Variants in AHCYL2 observed in about 807,000 individuals in gnomAD.
AHCYL2 encodes the protein adenosylhomocysteinase like 2, also known as S-adenosylhomocysteine hydrolase-like protein 2.
AHCYL2 carries 28 observed loss-of-function variants against 81.4 expected under a neutral mutation model. The observed-to-expected ratio is 0.34, with a 90% CI of 0.25 to 0.47. AHCYL2 has a LOEUF of 0.47. AHCYL2 is among the 20% of genes least tolerant of loss of function. The probability of loss-of-function intolerance (pLI) is 1.00; values close to 1 mark genes in which losing one functional copy is unlikely to be tolerated. For synonymous variants in AHCYL2, 272 were observed against 290.2 expected, an observed-to-expected ratio of 0.94 and a Z score of 0.64; for missense variants, 551 against 785.1, an observed-to-expected ratio of 0.70 and a Z score of 3.56.
chr7:129,407,407 G>T (rs928253659), intron 10 of AHCYL2, among the ~76,000 whole-genome samples: 2 of 151,970 alleles, frequency 1.3e-5, no homozygotes, highest in African/African-American at 4.8e-5. Context: ...ATTATATAAG[G>T]TACAGAGCTG....
Position 129,225,264 on chromosome 7 carries a change from C to A in AHCYL2, c.188C>A (p.Pro63His). The stretch of plus-strand genomic sequence containing the variant: ...CCCGCCGCGGAGCGGCCCCCGGTCC[C>A]CGGCCCGGGCTCGGGGCCCGCCGCC... ...PAPAAERPPV[P>H]GPGSGPAAAL... The change falls in exon 1 of 17, where the codon CCC (proline) becomes CAC (histidine). Residue 63 changes from proline to histidine, a missense_variant. Pro to His is a moderately conservative substitution (Grantham distance 77). This residue lies in a region of AHCYL2 where 235 missense variants were observed against 242.1 expected (regional missense o/e 0.97). Coordinates refer to ENST00000325006, the MANE Select transcript of AHCYL2 (RefSeq NM_015328.4). 1 of 1,454,038 alleles carries A rather than the reference C, an allele frequency of 6.9e-7. No homozygotes were observed. Among genetic ancestry groups the A allele is most frequent in the South Asian group, 1.4e-5 (1 of 73,602 alleles). 90.1% of individuals were successfully genotyped at this position (1,454,038 alleles called of 1,614,324 possible). A position where few individuals can be genotyped will look rare whatever the true frequency, so the allele number is the denominator to read the frequency against.
At chr7:129,376,468 C>T (rs1159092096) in intron 1 of AHCYL2, among the ~76,000 whole-genome samples, 1 of 152,186 alleles carries the variant, frequency 6.6e-6, no homozygotes, top group South Asian at 2.1e-4. Flanking sequence ...GTGGAGAAAG[C>T]CTTGTACAAC....
chr7:129,273,402 C>T (rs1796087273), intron 1 of AHCYL2, among the ~76,000 whole-genome samples: 1 of 136,912 alleles, frequency 7.3e-6, no homozygotes, highest in African/African-American at 2.8e-5. Flanking sequence ...GATCTTGGCT[C>T]ACCGCAACCT....
At chr7:129,263,288 G>A (rs995680149) in intron 1 of AHCYL2, among the ~76,000 whole-genome samples, 1 of 152,132 alleles carries the variant, frequency 6.6e-6, no homozygotes, top group African/African-American at 2.4e-5. Context: ...GATAAATAAG[G>A]CATGGTAGAA....
intron 1 of AHCYL2, among the ~76,000 whole-genome samples, chr7:129,314,441 T>C (rs1364071576): frequency 6.6e-6 from 1 of 152,214 alleles, no homozygotes; most frequent in Admixed American, 6.5e-5. Context: ...TACCATAGAC[T>C]GGGTGACTTA....
intron 1 of AHCYL2, among the ~76,000 whole-genome samples, chr7:129,269,582 GGTTTTGTTTT>G (rs72131185): frequency 2.7e-5 from 4 of 150,756 alleles, no homozygotes; most frequent in South Asian, 2.1e-4. Flanking sequence ...CCACTGTGCC[GGTTTTGTTTT>G]GTTTTGTTTT....
At chr7:129,375,550 C>A (rs1167116823) in intron 1 of AHCYL2, 3 of 1,106,472 alleles carry the variant, frequency 2.7e-6, no homozygotes, top group Non-Finnish European at 3.4e-6. Flanking sequence ...TGGGCCTTGT[C>A]AAGGGACTTG....
intron 1 of AHCYL2, among the ~76,000 whole-genome samples, chr7:129,364,004 G>GA (rs937966839): frequency 5.3e-5 from 8 of 152,034 alleles, no homozygotes; most frequent in Admixed American, 1.3e-4. Context: ...GCCAAGGTGG[G>GA]AGGATCACTT....
intron 1 of AHCYL2, among the ~76,000 whole-genome samples, chr7:129,346,980 T>G (rs1425991362): frequency 6.6e-6 from 1 of 152,112 alleles, no homozygotes; most frequent in Non-Finnish European, 1.5e-5. Context: ...GATCAAGCTG[T>G]GAAAACATAT....
chr7:129,356,460 G>T (rs1451957868), intron 1 of AHCYL2, among the ~76,000 whole-genome samples: 1 of 152,018 alleles, frequency 6.6e-6, no homozygotes, highest in East Asian at 1.9e-4. Context: ...ATAATTCATT[G>T]TGTGTGTAGG....
At chr7:129,415,612 C>T (rs1399351684) in intron 12 of AHCYL2, among the ~76,000 whole-genome samples, 3 of 148,380 alleles carry the variant, frequency 2.0e-5, no homozygotes, top group Admixed American at 6.8e-5. Context: ...CACCTGAGGT[C>T]GGGAGTTCAA....
chr7:129,389,132 T>G lies in AHCYL2; in HGVS notation c.552T>G (p.Ser184Arg). 6.2e-7 allele frequency: 1 copy of G among 1,613,992 alleles called. No homozygotes were observed. Among genetic ancestry groups the G allele is most frequent in the Non-Finnish European group, 8.5e-7 (1 of 1,179,948 alleles). The change falls in exon 3 of 17, where the codon AGT (serine) becomes AGG (arginine). Residue 184 changes from serine to arginine, a missense_variant. By Grantham distance (110) the Ser-to-Arg change is moderately radical (BLOSUM62 -1). Transcript: ENST00000325006. ...DKQQKNSKGS[S>R]DFCVKNIKQA... ...AGCAAAAGAACTCTAAGGGAAGCAGTGACTTCTGTGTTAAGAACATCAAAC... is the reference window on the plus strand; with the variant it reads ...AGCAAAAGAACTCTAAGGGAAGCAGGGACTTCTGTGTTAAGAACATCAAAC...
At chr7:129,251,818 C>T (rs721691) in intron 1 of AHCYL2, among the ~76,000 whole-genome samples, 40,185 of 152,064 alleles carry the variant, frequency 0.26, 6,606 homozygotes, top group East Asian at 0.55. Context: ...TCAAATACGT[C>T]CATTAATCTG....
chr7:129,410,255 A>C lies in AHCYL2; in HGVS notation c.1366+709A>C. ...GGCTCCTTCTCCATCACTGCCTCCT[A>C]CAACTTCCACATCTTCCTTCTGTTT... On this transcript the variant is annotated intron_variant, in intron 11 of 16. Transcript: ENST00000325006. 2.5e-6 allele frequency: 4 copies of C among 1,613,934 alleles called. No homozygotes were observed. In the East Asian group the frequency reaches 6.7e-5, roughly 27 times the overall value.
At chr7:129,295,360 G>C (rs187789466) in intron 1 of AHCYL2, among the ~76,000 whole-genome samples, 3 of 152,188 alleles carry the variant, frequency 2.0e-5, no homozygotes, top group African/African-American at 4.8e-5. Context: ...AAAATGTTAC[G>C]TATGAGTCAG....
rs1212672246 is a variant in AHCYL2, at chr7:129,275,252, G to A, written c.363+49813G>A. On this transcript the variant is annotated intron_variant, in intron 1 of 16. Transcript: ENST00000325006. ...ACAAAAATTAGCCAGGCATGGTGGT[G>A]TGCACCTGTAATGGTTGCAGGCGCC... Among the ~76,000 whole-genome samples, 3 of 151,852 alleles carry A rather than the reference G, an allele frequency of 2.0e-5. No homozygotes were observed. The East Asian group carries it at 5.8e-4, about 29-fold the overall frequency.
intron 1 of AHCYL2, among the ~76,000 whole-genome samples, chr7:129,373,785 T>G (rs970829527): frequency 6.6e-6 from 1 of 152,210 alleles, no homozygotes; most frequent in Admixed American, 6.5e-5. Flanking sequence ...GGGAACCAGC[T>G]TAGTACATGC....
intron 1 of AHCYL2, among the ~76,000 whole-genome samples, chr7:129,232,709 C>A (rs993737976): frequency 1.1e-4 from 16 of 152,192 alleles, no homozygotes; most frequent in African/African-American, 3.6e-4. Context: ...TCTCTAGCAG[C>A]AAGATCAAGT....
intron 5 of AHCYL2, 23 bp downstream of exon 5, chr7:129,397,347 T>C: frequency 1.2e-6 from 2 of 1,608,064 alleles, no homozygotes; most frequent in East Asian, 2.2e-5. Flanking sequence ...TCTCTGTGCC[T>C]TTGGCTAAAG....
Sources: gnomAD v4.1 joint callset for allele counts (sites outside exome capture counted in the v4.1 genomes callset) on GRCh38, gnomAD v4.1.1 for gene constraint, gnomAD v4.1.1 regional missense constraint, MANE v1.5 for transcripts, NCBI Gene and HGNC (gene_info 2026-07-23, HGNC 2026-07-21) for gene names.